PGR: variants seen among roughly 807,000 people sequenced by gnomAD.
PGR encodes progesterone receptor.
A neutral mutation model predicts 76.1 loss-of-function variants in PGR; 25 were observed. That is an observed-to-expected ratio of 0.33 (90% CI 0.24 to 0.46). The LOEUF is 0.46. Ranked by LOEUF, PGR falls within the 20% of genes least tolerant of loss-of-function variation. PGR has a pLI of 1.00. For missense variants in PGR, 1,172 were observed against 1,225.3 expected, an observed-to-expected ratio of 0.96 and a Z score of 0.65; for synonymous variants, 579 against 535.0, an observed-to-expected ratio of 1.08 and a Z score of -1.14.
Position 101,129,028 on chromosome 11 carries a change from C to T in PGR, c.43G>A (p.Ala15Thr). The change falls in exon 1 of 8, where the codon GCG becomes ACG. Residue 15 changes from alanine to threonine, a missense_variant. Ala to Thr is a moderately conservative substitution (Grantham distance 58). This residue lies in a region of PGR where 893 missense variants were observed against 785.9 expected (regional missense o/e 1.14). Coordinates refer to ENST00000325455, the MANE Select transcript of PGR (RefSeq NM_000926.4). Reference protein sequence around the residue: ...KAKGPRAPHVAGGPPSPEVGS... With the variant: ...KAKGPRAPHVTGGPPSPEVGS... ...ACCTCGGGGGAGGGCGGGCCGCCCGCCACGTGGGGAGCCCGGGGACCCTTT... is the reference window on the plus strand; with the variant it reads ...ACCTCGGGGGAGGGCGGGCCGCCCGTCACGTGGGGAGCCCGGGGACCCTTT... 6.4e-7 allele frequency: 1 copy of T among 1,567,476 alleles called. No homozygotes were observed. The highest frequency in any genetic ancestry group is 8.6e-7 in the Non-Finnish European group (1 of 1,157,028).
In PGR at chr11:101,128,197, C is replaced by T. The variant is rs773960696; in HGVS notation, c.874G>A (p.Gly292Arg). The change falls in exon 1 of 8, where the codon GGG (glycine) becomes AGG (arginine). Residue 292 changes from glycine (G) to arginine (R), a missense_variant. Gly to Arg is a moderately radical substitution (Grantham distance 125, BLOSUM62 -2). This residue lies in a region of PGR where 893 missense variants were observed against 785.9 expected (regional missense o/e 1.14). Coordinates refer to ENST00000325455, the MANE Select transcript of PGR (RefSeq NM_000926.4). ...LVEQDAPMAP[G>R]RSPLATTVMD... ...ACCGTGGTGGCCAGCGGGGAGCGCC[C>T]GGGCGCCATCGGCGCGTCCTGCTCC... The T allele has an allele frequency of 1.9e-6, 3 of 1,598,226 alleles. No homozygotes were observed. The highest frequency in any genetic ancestry group is 1.7e-5 in the Admixed American group (1 of 59,958).
chr11:101,093,312 AT>A (rs112288755), intron 2 of PGR, among the ~76,000 whole-genome samples: 1,740 of 145,350 alleles, frequency 0.012, 55 homozygotes, highest in Admixed American at 0.068. Flanking sequence ...TTTGACTCTA[AT>A]TTTTTTTTTT....
chr11:101,102,800 T>C (rs867224748), intron 2 of PGR, among the ~76,000 whole-genome samples: 1 of 149,062 alleles, frequency 6.7e-6, no homozygotes, highest in Non-Finnish European at 1.5e-5. Context: ...TCCCTAATCT[T>C]TTTTGCACCA....
At chr11:101,082,312 A>G (rs1414037825) in intron 3 of PGR, among the ~76,000 whole-genome samples, 5 of 152,208 alleles carry the variant, frequency 3.3e-5, no homozygotes, top group Non-Finnish European at 5.9e-5. Context: ...TTATAACAGT[A>G]TGAGAATGAG....
chr11:101,047,719 G>T (rs1426652512), intron 6 of PGR, among the ~76,000 whole-genome samples: 1 of 152,128 alleles, frequency 6.6e-6, no homozygotes, highest in African/African-American at 2.4e-5. Flanking sequence ...AAATCACAAT[G>T]AATCACAAAA....
intron 1 of PGR, 88 bp downstream of exon 1, chr11:101,127,345 TG>T: frequency 1.0e-6 from 1 of 989,916 alleles, no homozygotes; most frequent in Non-Finnish European, 1.4e-6. Context: ...AGCGGTGCGC[TG>T]GGGCTGGGGC....
intron 2 of PGR, among the ~76,000 whole-genome samples, chr11:101,114,790 G>T (rs1862452318): frequency 6.6e-6 from 1 of 151,942 alleles, no homozygotes; most frequent in African/African-American, 2.4e-5. Context: ...GGTCCTTAGT[G>T]CACCATCCCC....
intron 3 of PGR, among the ~76,000 whole-genome samples, chr11:101,072,819 A>C (rs1860988194): frequency 6.6e-6 from 1 of 152,210 alleles, no homozygotes; most frequent in South Asian, 2.1e-4. Context: ...TCAGATTCAT[A>C]AAGCAAGTTC....
chr11:101,098,066 G>A (rs941405144), intron 2 of PGR, among the ~76,000 whole-genome samples: 6 of 152,058 alleles, frequency 3.9e-5, no homozygotes, highest in Middle Eastern at 3.4e-3. Context: ...GTGAGCCACC[G>A]TGCCCAGCCC....
intron 3 of PGR, among the ~76,000 whole-genome samples, chr11:101,065,044 G>C (rs963930895): frequency 1.3e-5 from 2 of 152,158 alleles, no homozygotes; most frequent in Non-Finnish European, 2.9e-5. Flanking sequence ...ATTCTATGAT[G>C]TTCAATGATG....
rs904741006 is a variant in PGR, at chr11:101,035,842, A to C, written c.*3274T>G. 4.3e-6 allele frequency: 1 copy of C among 231,400 alleles called. No individual in the cohort carries two copies. The highest frequency in any genetic ancestry group is 8.5e-6 in the Non-Finnish European group (1 of 117,012). 14.3% of individuals were successfully genotyped at this position (231,400 alleles called of 1,614,324 possible). A position where few individuals can be genotyped will look rare whatever the true frequency, so the allele number is the denominator to read the frequency against. ...ATGGTGACATAAATAAAACAGTGAG[A>C]CTTTCTAGAATCCTGCTTTCACTGT... On this transcript the variant is annotated 3_prime_UTR_variant, in exon 8 of 8. Transcript: ENST00000325455.
chr11:101,055,616 T>C (rs936560191), intron 4 of PGR, among the ~76,000 whole-genome samples: 1 of 152,118 alleles, frequency 6.6e-6, no homozygotes, highest in Admixed American at 6.5e-5. Context: ...TATGCTGTAA[T>C]TTTTCACTTC....
At chr11:101,096,784 G>A (rs1036206483) in intron 2 of PGR, among the ~76,000 whole-genome samples, 20 of 152,164 alleles carry the variant, frequency 1.3e-4, no homozygotes, top group African/African-American at 4.3e-4. Flanking sequence ...ATAAACCGTA[G>A]GTTGATGGCT....
At chr11:101,051,298 C>T (rs986715487) in intron 5 of PGR, 126 bp downstream of exon 5, 50 of 645,558 alleles carry the variant, frequency 7.7e-5, no homozygotes, top group Non-Finnish European at 1.3e-4. Flanking sequence ...ATAAAATTAC[C>T]GTAAAATGAC....
intron 7 of PGR, among the ~76,000 whole-genome samples, chr11:101,040,910 T>C (rs1354365015): frequency 1.3e-5 from 2 of 152,054 alleles, no homozygotes; most frequent in African/African-American, 2.4e-5. Context: ...ACTATAACTC[T>C]TCTTTCTAAT....
intron 3 of PGR, among the ~76,000 whole-genome samples, chr11:101,065,667 G>A (rs1486979072): frequency 6.6e-6 from 1 of 152,128 alleles, no homozygotes; most frequent in Non-Finnish European, 1.5e-5. Context: ...CAGAGAATAG[G>A]CATGTGGGGT....
At chr11:101,097,963 A>T (rs766470196) in intron 2 of PGR, among the ~76,000 whole-genome samples, 1 of 151,852 alleles carries the variant, frequency 6.6e-6, no homozygotes, top group South Asian at 2.1e-4. Flanking sequence ...TTTTTAGTAG[A>T]GATGGGGTTT....
At chr11:101,105,441 G>A (rs1276437336) in intron 2 of PGR, among the ~76,000 whole-genome samples, 1 of 148,952 alleles carries the variant, frequency 6.7e-6, no homozygotes, top group African/African-American at 2.5e-5. Flanking sequence ...GGTTCTGGAT[G>A]TTTTCTGAAG....
chr11:101,119,759 A>G (rs1862617994), intron 2 of PGR, among the ~76,000 whole-genome samples: 1 of 152,212 alleles, frequency 6.6e-6, no homozygotes, highest in Non-Finnish European at 1.5e-5. Context: ...CAATTTGAAA[A>G]CCAGTCTCCT....
Sources: gnomAD v4.1 joint callset for allele counts (sites outside exome capture counted in the v4.1 genomes callset) on GRCh38, gnomAD v4.1.1 for gene constraint, gnomAD v4.1.1 regional missense constraint, MANE v1.5 for transcripts, NCBI Gene and HGNC (gene_info 2026-07-23, HGNC 2026-07-21) for gene names.